DEPDC1: variants seen among roughly 807,000 people sequenced by gnomAD.
The protein encoded by DEPDC1 is DEP domain-containing protein 1A.
A neutral mutation model predicts 86.8 loss-of-function variants in DEPDC1; 66 were observed. The observed-to-expected ratio is 0.76, with a 90% confidence interval of 0.62 to 0.93. DEPDC1 has a LOEUF of 0.93. Among genes scored for constraint, DEPDC1 ranks in the 40% least tolerant of loss-of-function variants. The pLI, the probability that DEPDC1 is intolerant of heterozygous loss-of-function variation, is 0.00. For missense variants in DEPDC1, 792 were observed against 935.7 expected (o/e 0.85, Z 2.00); for synonymous variants, 255 against 314.9 (o/e 0.81, Z 2.02).
chr1:68,477,128 T>G, intron 11 of DEPDC1, 59 bp from the exon 12 acceptor site: 1 of 1,380,078 alleles, frequency 7.2e-7, no homozygotes, highest in Non-Finnish European at 1.0e-6. Flanking sequence ...GCTGAAGCAG[T>G]GCTCAACATT....
At chr1:68,487,944 A>C (rs1483435531) in intron 5 of DEPDC1, among the ~76,000 whole-genome samples, 2 of 151,854 alleles carry the variant, frequency 1.3e-5, no homozygotes, top group African/African-American at 4.8e-5. Flanking sequence ...GTGTTATTAC[A>C]GTTTTGTATA....
At chr1:68,482,021 C>T in intron 8 of DEPDC1, 25 bp downstream of exon 8, 1 of 1,539,578 alleles carries the variant, frequency 6.5e-7, no homozygotes, top group Non-Finnish European at 8.7e-7. Flanking sequence ...GTTAATATTG[C>T]ATGCATTGAA....
intron 2 of DEPDC1, among the ~76,000 whole-genome samples, chr1:68,490,495 T>C (rs1404827030): frequency 6.6e-6 from 1 of 152,220 alleles, no homozygotes; most frequent in Non-Finnish European, 1.5e-5. Flanking sequence ...CTTCATCCAG[T>C]ATACCACTGA....
At position 68,477,892 on chromosome 1, in the gene DEPDC1, A is replaced by G. The variant is rs758798578; in HGVS notation, c.2193T>C (p.Asp731=). 11 of 1,589,092 alleles carry G rather than the reference A, an allele frequency of 6.9e-6. No individual in the cohort carries two copies. The East Asian group carries it at 2.0e-4, about 29-fold the overall frequency. ...CTTGAGAGGTAGAAACTTTTTGCTC[A>G]TCAAACTCCTGAGCACTAATCTGCT... The part of the protein sequence containing the change: ...YCKQISAQEF[D]EQKVSTSQAA... Residue 731 remains aspartate, a synonymous_variant, in exon 11 of 12, where the codon GAT becomes GAC. Coordinates refer to ENST00000456315, the MANE Select transcript of DEPDC1 (RefSeq NM_001114120.3).
At chr1:68,494,743 T>A in intron 1 of DEPDC1, 48 bp from the exon 2 acceptor site, 4 of 1,473,588 alleles carry the variant, frequency 2.7e-6, no homozygotes, top group Non-Finnish European at 3.7e-6. Flanking sequence ...AAAAATTAAA[T>A]CTCATATTGA....
At chr1:68,488,618 A>C in intron 4 of DEPDC1, 114 bp from the exon 5 acceptor site, 1 of 906,656 alleles carries the variant, frequency 1.1e-6, no homozygotes, top group Non-Finnish European at 1.6e-6. Flanking sequence ...AATTTCTAAG[A>C]CTTATATTTA....
chr1:68,486,303 C>A (rs549702775), intron 6 of DEPDC1, among the ~76,000 whole-genome samples: 1 of 152,080 alleles, frequency 6.6e-6, no homozygotes, highest in South Asian at 2.1e-4. Flanking sequence ...CCTCTGCACA[C>A]AACCTTCCTC....
chr1:68,480,635 C>A (rs903883578), intron 9 of DEPDC1, among the ~76,000 whole-genome samples: 2 of 151,922 alleles, frequency 1.3e-5, no homozygotes, highest in Admixed American at 1.3e-4. Context: ...AAGTGCAAAA[C>A]CAAAATTATC....
At chr1:68,487,499 T>G (rs1010460142) in intron 5 of DEPDC1, among the ~76,000 whole-genome samples, 2 of 152,120 alleles carry the variant, frequency 1.3e-5, no homozygotes, top group South Asian at 2.1e-4. Flanking sequence ...ATCTAGCATT[T>G]TTTTTACACA....
rs763234475 is a variant in DEPDC1, at chr1:68,482,768, A to G, written c.1040T>C (p.Leu347Pro). The change falls in exon 8 of 12, where the codon CTC becomes CCC. Residue 347 changes from leucine to proline, a missense_variant. Leu to Pro is a moderately conservative substitution (Grantham distance 98, BLOSUM62 -3). Transcript: ENST00000456315. ...NSFKSTECLL[L>P]SLLHREKNKE... ...GTTTTTTTCTCTATGAAGCAGACTG[A>G]GAAGAAGGCACTCAGTTGATTTGAA... 8 of 1,612,732 alleles carry G rather than the reference A, an allele frequency of 5.0e-6. No homozygotes were observed. The South Asian group carries it at 8.8e-5, about 18-fold the overall frequency.
chr1:68,480,282 A>ACACACC (rs1163481663), intron 9 of DEPDC1, among the ~76,000 whole-genome samples: 4 of 149,934 alleles, frequency 2.7e-5, no homozygotes, highest in African/African-American at 4.9e-5. Context: ...ACACACACAC[A>ACACACC]CCCCTCATTC....
intron 2 of DEPDC1, among the ~76,000 whole-genome samples, chr1:68,493,386 A>T (rs561667065): frequency 1.3e-5 from 2 of 152,352 alleles, no homozygotes; most frequent in East Asian, 3.9e-4. Context: ...ACCGTAGGTC[A>T]TAAGAGAAAA....
intron 9 of DEPDC1, among the ~76,000 whole-genome samples, chr1:68,479,864 G>A (rs1374538733): frequency 1.3e-5 from 2 of 151,174 alleles, no homozygotes; most frequent in Non-Finnish European, 1.5e-5. Context: ...AAAAGGCTTT[G>A]GTTTTTCTAC....
At chr1:68,494,308 T>C in intron 2 of DEPDC1, 122 bp downstream of exon 2, 1 of 908,950 alleles carries the variant, frequency 1.1e-6, no homozygotes, top group East Asian at 2.7e-5. Context: ...ACTAACAGCA[T>C]TAATAGTTTT....
At chr1:68,479,080 T>C in intron 10 of DEPDC1, 64 bp downstream of exon 10, 1 of 1,400,614 alleles carries the variant, frequency 7.1e-7, no homozygotes, top group South Asian at 1.4e-5. Flanking sequence ...ATTAAGCTAT[T>C]TTGAGATGAG....
chr1:68,480,252 CCACACA>C lies in DEPDC1; in HGVS notation c.1936-938_1936-933del, dbSNP rs72099346. Among the ~76,000 whole-genome samples, 22 of 145,528 alleles carry C rather than the reference CCACACA, an allele frequency of 1.5e-4. No individual in the cohort carries two copies. The South Asian group carries it at 3.3e-3, about 22-fold the overall frequency. ...ATATCTATGCAACCCTCTAACTGTA[CCACACA>C]CACACACACACACACACACACACAC... On this transcript the variant is annotated intron_variant, in intron 9 of 11. Transcript: ENST00000456315.
At chr1:68,484,818 G>T (rs1646182207) in intron 6 of DEPDC1, among the ~76,000 whole-genome samples, 1 of 151,884 alleles carries the variant, frequency 6.6e-6, no homozygotes, top group Non-Finnish European at 1.5e-5. Context: ...CCTCTATGGA[G>T]ACCATAATCC....
Position 68,476,753 on chromosome 1 carries a change from G to T in DEPDC1, c.*179C>A, listed in dbSNP as rs1646117925. 3.8e-6 allele frequency: 2 copies of T among 524,024 alleles called. No homozygotes were observed. The highest frequency in any genetic ancestry group is 6.8e-5 in the South Asian group (2 of 29,508). 32.5% of individuals were successfully genotyped at this position (524,024 alleles called of 1,614,324 possible). On this transcript the variant is annotated 3_prime_UTR_variant, in exon 12 of 12. Coordinates refer to ENST00000456315, the MANE Select transcript of DEPDC1 (RefSeq NM_001114120.3). ...CATCTATTGTTATGTGCTCTCAATTGAGATCTAGTTAGTTTCCTAAGAGTC... is the reference window on the plus strand; with the variant it reads ...CATCTATTGTTATGTGCTCTCAATTTAGATCTAGTTAGTTTCCTAAGAGTC...
intron 5 of DEPDC1, among the ~76,000 whole-genome samples, chr1:68,487,202 T>C (rs755691689): frequency 4.6e-5 from 7 of 151,980 alleles, no homozygotes; most frequent in African/African-American, 1.7e-4. Context: ...CTGAAAAAAT[T>C]ATGGATTCTG....
Sources: gnomAD v4.1 joint callset for allele counts (sites outside exome capture counted in the v4.1 genomes callset) on GRCh38, gnomAD v4.1.1 for gene constraint, MANE v1.5 for transcripts, NCBI Gene and HGNC (gene_info 2026-07-23, HGNC 2026-07-21) for gene names.